The following SCAF8 variants were observed in gnomAD, a reference collection of about 807,000 sequenced individuals.
SCAF8 encodes SR-related and CTD-associated factor 8.
SCAF8 carries 23 observed loss-of-function variants against 140.5 expected under a neutral mutation model. The ratio of observed to expected loss-of-function variants is 0.16; its 90% CI spans 0.12 to 0.23. SCAF8 has a LOEUF of 0.23. Ranked by LOEUF, SCAF8 falls within the 10% of genes least tolerant of loss-of-function variation. The probability of loss-of-function intolerance (pLI) is 1.00; values close to 1 mark genes in which losing one functional copy is unlikely to be tolerated. For missense variants in SCAF8, 1,397 were observed against 1,555.7 expected (o/e 0.90, Z 1.72); for synonymous variants, 575 against 528.9 (o/e 1.09, Z -1.20).
At position 154,808,433 on chromosome 6, in the gene SCAF8, A is replaced by T. The variant is rs185976789; in HGVS notation, c.1113+232A>T. On this transcript the variant is annotated intron_variant, in intron 10 of 19. Transcript: ENST00000367178. ...CCAACACAAATTTGTAAACTTTCTT[A>T]AAACAATATGAGATTTGTTTTTGCG... is the stretch of plus-strand genomic sequence containing the variant. Among the ~76,000 whole-genome samples, 205 of 150,674 alleles carry T rather than the reference A, an allele frequency of 1.4e-3. 1 individual carries two copies. Among genetic ancestry groups the T allele is most frequent in the African/African-American group, 4.8e-3 (193 of 40,600 alleles).
At chr6:154,795,171 T>G in intron 6 of SCAF8, 32 bp downstream of exon 6, 1 of 1,568,674 alleles carries the variant, frequency 6.4e-7, no homozygotes, top group Non-Finnish European at 8.6e-7. Context: ...TCAAGAATAA[T>G]TTAGAATTTA....
intron 1 of SCAF8, among the ~76,000 whole-genome samples, chr6:154,763,558 T>G (rs191935638): frequency 7.2e-5 from 11 of 152,310 alleles, no homozygotes; most frequent in Admixed American, 1.3e-4. Context: ...TAGAATTCAT[T>G]TCATATTGCT....
At chr6:154,828,172 G>C (rs372442991) in intron 18 of SCAF8, among the ~76,000 whole-genome samples, 25 of 152,224 alleles carry the variant, frequency 1.6e-4, no homozygotes, top group African/African-American at 5.8e-4. Flanking sequence ...TTGTTTCTTA[G>C]ATCTACTTTT....
intron 3 of SCAF8, among the ~76,000 whole-genome samples, chr6:154,784,142 T>TAC (rs1340652657): frequency 5.6e-5 from 5 of 89,276 alleles, no homozygotes; most frequent in African/African-American, 2.6e-4. Flanking sequence ...TATATATATA[T>TAC]ATATATATAT....
At chr6:154,749,186 C>G (rs1233398741) in intron 1 of SCAF8, among the ~76,000 whole-genome samples, 1 of 152,160 alleles carries the variant, frequency 6.6e-6, no homozygotes, top group Non-Finnish European at 1.5e-5. Context: ...GGTGATCTGC[C>G]CGCCTTAGCC....
chr6:154,808,488 G>A (rs1777990518), intron 10 of SCAF8, among the ~76,000 whole-genome samples, 198 bp from the exon 11 acceptor site: 1 of 150,780 alleles, frequency 6.6e-6, no homozygotes, highest in African/African-American at 2.4e-5. Flanking sequence ...CTTATCAGCT[G>A]TCATTAGTGT....
intron 1 of SCAF8, among the ~76,000 whole-genome samples, chr6:154,762,257 G>T (rs1176838345): frequency 6.6e-6 from 1 of 152,214 alleles, no homozygotes; most frequent in Admixed American, 6.5e-5. Flanking sequence ...TTTGCTAATG[G>T]TTTCACTTGG....
chr6:154,819,384 T>C (rs1778349206), intron 14 of SCAF8, among the ~76,000 whole-genome samples: 1 of 151,540 alleles, frequency 6.6e-6, no homozygotes, highest in African/African-American at 2.4e-5. Context: ...CCCAGGAGTG[T>C]CTTAAGAGCA....
At position 154,801,955 on chromosome 6, in the gene SCAF8, A is replaced by AT. The variant is rs751667789; in HGVS notation, c.607-9dup. On this transcript the variant is annotated splice_polypyrimidine_tract_variant and intron_variant, in intron 6 of 19. Transcript: ENST00000367178. ...ACCCAACACCTGTTTTGTAATATAT[A>AT]TTTTTTTCTCTCCAGCTTCAACAAT... 19 of 1,547,318 alleles carry AT rather than the reference A, an allele frequency of 1.2e-5. No individual in the cohort carries two copies. The highest frequency in any genetic ancestry group is 7.0e-5 in the African/African-American group (5 of 71,562).
At chr6:154,759,823 G>A (rs536437671) in intron 1 of SCAF8, among the ~76,000 whole-genome samples, 18 of 151,902 alleles carry the variant, frequency 1.2e-4, no homozygotes, top group African/African-American at 3.4e-4. Flanking sequence ...CTGCCACCAC[G>A]CCCGGCTAAT....
intron 1 of SCAF8, among the ~76,000 whole-genome samples, chr6:154,739,023 T>C (rs1269047962): frequency 6.6e-6 from 1 of 152,208 alleles, no homozygotes; most frequent in African/African-American, 2.4e-5. Flanking sequence ...TGAGTTTCTC[T>C]TGCCCAGGCT....
intron 6 of SCAF8, among the ~76,000 whole-genome samples, chr6:154,797,111 TAATA>T (rs1562451300): frequency 7.0e-6 from 1 of 143,756 alleles, no homozygotes; most frequent in Admixed American, 6.7e-5. Flanking sequence ...ATAAATTTTA[TAATA>T]AATATTTATG....
intron 18 of SCAF8, among the ~76,000 whole-genome samples, chr6:154,828,639 T>C (rs1479743131): frequency 6.6e-6 from 1 of 152,114 alleles, no homozygotes; most frequent in African/African-American, 2.4e-5. Flanking sequence ...CCCAGACAAA[T>C]CTTGTGTTTT....
chr6:154,733,663 T>A lies in SCAF8; in HGVS notation c.-238T>A, dbSNP rs1429921892. ...CGCCGACCCGCCCCGGCAGCGCCTC[T>A]GTTCCCTAGAACGGCGCTCCCCCCG... On this transcript the variant is annotated 5_prime_UTR_variant, in exon 1 of 20. Transcript: ENST00000367178. The A allele has an allele frequency of 1.5e-5, 17 of 1,161,778 alleles. No individual in the cohort carries two copies. The highest frequency in any genetic ancestry group is 5.1e-5 in the Admixed American group (1 of 19,594). The allele number at this position is 1,161,778 out of a possible 1,614,324, so 72.0% of individuals were successfully genotyped here. A position where few individuals can be genotyped will look rare whatever the true frequency, so the allele number is the denominator to read the frequency against.
rs188079344 is a variant in SCAF8 at position 154,746,536 on chromosome 6, C to G, written c.30+12606C>G. Among the ~76,000 whole-genome samples the G allele has an allele frequency of 4.3e-3, 658 of 152,236 alleles. 4 individuals carry two copies. Among genetic ancestry groups the G allele is most frequent in the Non-Finnish European group, 5.9e-3 (400 of 68,012 alleles). On this transcript the variant is annotated intron_variant, in intron 1 of 19. Transcript: ENST00000367178. Reference sequence around the variant, plus strand: ...GGTTCGTTCTAGCTTTCCCTCTTTCCAAGTTTGTCTTCGACAGCAAGAACC... The same window carrying G: ...GGTTCGTTCTAGCTTTCCCTCTTTCGAAGTTTGTCTTCGACAGCAAGAACC...
chr6:154,793,846 T>TA (rs35319405), intron 5 of SCAF8, among the ~76,000 whole-genome samples: 10 of 151,754 alleles, frequency 6.6e-5, no homozygotes, highest in African/African-American at 2.4e-4. Context: ...AAAATTTTTT[T>TA]AAATCATAGT....
intron 3 of SCAF8, among the ~76,000 whole-genome samples, chr6:154,778,768 A>AGTGTGT (rs201081536): frequency 0.015 from 1,741 of 117,582 alleles, 30 homozygotes; most frequent in African/African-American, 0.037. Flanking sequence ...TGTCTCAAAA[A>AGTGTGT]ATGTGTGTGT....
intron 3 of SCAF8, among the ~76,000 whole-genome samples, chr6:154,785,431 T>A (rs1184436630): frequency 6.6e-6 from 1 of 152,246 alleles, no homozygotes; most frequent in African/African-American, 2.4e-5. Flanking sequence ...TTATAATGAT[T>A]GTACTGATTT....
chr6:154,827,291 AGT>A (rs761839687), intron 18 of SCAF8, 51 bp downstream of exon 18: 1 of 1,230,868 alleles, frequency 8.1e-7, no homozygotes, highest in Admixed American at 2.2e-5. Flanking sequence ...TGTTAATTTT[AGT>A]GTGTCAGTTC....
Sources: gnomAD v4.1 joint callset for allele counts (sites outside exome capture counted in the v4.1 genomes callset) on GRCh38, gnomAD v4.1.1 for gene constraint, MANE v1.5 for transcripts, NCBI Gene and HGNC (gene_info 2026-07-23, HGNC 2026-07-21) for gene names.